The following CD1B variants were observed in gnomAD, a reference collection of about 807,000 sequenced individuals.
CD1B encodes T-cell surface glycoprotein CD1b.
A neutral mutation model predicts 39.8 loss-of-function variants in CD1B; 43 were observed. That is an observed-to-expected ratio of 1.08 (90% CI 0.85 to 1.39). CD1B has a LOEUF of 1.39. CD1B is among the 40% of genes most tolerant of loss of function. The probability of loss-of-function intolerance (pLI) is 0.00; values close to 1 mark genes in which losing one functional copy is unlikely to be tolerated. For synonymous variants in CD1B, 192 were observed against 152.5 expected, an observed-to-expected ratio of 1.26 and a Z score of -1.91; for missense variants, 495 against 403.8, an observed-to-expected ratio of 1.23 and a Z score of -1.94.
At chr1:158,325,592 T>A (rs1410974838), downstream of CD1B, among the ~76,000 whole-genome samples, 2 of 152,080 alleles carry the variant, frequency 1.3e-5, no homozygotes, top group Non-Finnish European at 2.9e-5. Context: ...AGTTTATTAG[T>A]TTTTACTTCT....
chr1:158,325,483 CACT>C (rs1419887382), downstream of CD1B, among the ~76,000 whole-genome samples: 6 of 152,184 alleles, frequency 3.9e-5, no homozygotes, highest in Admixed American at 3.9e-4. Flanking sequence ...CCACGCTTCT[CACT>C]ACATTTTTGA....
chr1:158,314,488 T>C, the CD1B span, among the ~76,000 whole-genome samples: 1 of 152,286 alleles, frequency 6.6e-6, no homozygotes, highest in Non-Finnish European at 1.5e-5. Context: ...GTTGCTTCTC[T>C]TCTACTAGTT....
At chr1:158,319,933 A>C in the CD1B span, among the ~76,000 whole-genome samples, 20 of 152,270 alleles carry the variant, frequency 1.3e-4, no homozygotes, top group Middle Eastern at 3.4e-3. Context: ...GTGAGGTGTC[A>C]GTGTGCCCCT....
the CD1B span, among the ~76,000 whole-genome samples, chr1:158,316,793 T>C: frequency 4.0e-5 from 6 of 151,786 alleles, no homozygotes; most frequent in Non-Finnish European, 8.8e-5. Flanking sequence ...TGGCTGTGGG[T>C]TTGTCATAGA....
chr1:158,313,596 A>G, the CD1B span, among the ~76,000 whole-genome samples: 1 of 152,114 alleles, frequency 6.6e-6, no homozygotes, highest in Non-Finnish European at 1.5e-5. Flanking sequence ...AGGCATGAGC[A>G]ACCACTTCTG....
the CD1B span, among the ~76,000 whole-genome samples, chr1:158,314,749 G>A: frequency 2.6e-5 from 4 of 151,594 alleles, no homozygotes; most frequent in Non-Finnish European, 4.4e-5. Flanking sequence ...CTGGTGCGCG[G>A]CACCCACTAA....
downstream of CD1B, among the ~76,000 whole-genome samples, chr1:158,323,935 C>T (rs1652268588): frequency 6.6e-6 from 1 of 152,158 alleles, no homozygotes; most frequent in Non-Finnish European, 1.5e-5. Flanking sequence ...CTGGTGGTCC[C>T]ACCAAGGAGT....
rs957827053 is a variant in CD1B at position 158,329,844 on chromosome 1, G to A, written c.607+8C>T. The A allele has an allele frequency of 3.1e-6, 5 of 1,610,380 alleles. No individual in the cohort carries two copies. In the East Asian group the frequency reaches 1.1e-4, roughly 36 times the overall value. The stretch of plus-strand genomic sequence containing the variant: ...GGTGGTGGGAAGTGAAATAACAGCA[G>A]GACTAACCTTGTCTTTGCAGATCTG... On this transcript the variant is annotated splice_region_variant and intron_variant, in intron 3 of 5. Transcript: ENST00000368168.
At chr1:158,290,222 C>T in the CD1B span, 3 of 1,085,208 alleles carry the variant, frequency 2.8e-6, no homozygotes, top group Non-Finnish European at 4.2e-6. Context: ...GAATGCTTGC[C>T]ATCTGAGCAT....
At chr1:158,290,494 T>C in the CD1B span, among the ~76,000 whole-genome samples, 3 of 152,022 alleles carry the variant, frequency 2.0e-5, no homozygotes, top group African/African-American at 7.2e-5. Context: ...TCTAAGGCAG[T>C]TGAGGAAGGG....
chr1:158,321,625 T>C, the CD1B span, among the ~76,000 whole-genome samples: 1 of 152,246 alleles, frequency 6.6e-6, no homozygotes, highest in African/African-American at 2.4e-5. Context: ...GGTTAAGTGA[T>C]ATTCTCCAAC....
At chr1:158,299,546 G>T in the CD1B span, among the ~76,000 whole-genome samples, 3 of 152,166 alleles carry the variant, frequency 2.0e-5, no homozygotes, top group Non-Finnish European at 2.9e-5. Context: ...GATTGGAATA[G>T]TTTCAGAAGG....
At chr1:158,324,046 T>A (rs1652271626), downstream of CD1B, among the ~76,000 whole-genome samples, 1 of 152,154 alleles carries the variant, frequency 6.6e-6, no homozygotes, top group South Asian at 2.1e-4. Flanking sequence ...GCTGAGTGGG[T>A]CTGGAGCCAA....
chr1:158,300,018 G>T, the CD1B span, among the ~76,000 whole-genome samples: 2 of 152,044 alleles, frequency 1.3e-5, no homozygotes, highest in Non-Finnish European at 1.5e-5. Context: ...GTTATTTCTT[G>T]TCTTCGGCTA....
Position 158,329,610 on chromosome 1 carries a change from C to G in CD1B, c.646G>C (p.Gly216Arg). 1 of 1,614,072 alleles carries G rather than the reference C, an allele frequency of 6.2e-7. No individual in the cohort carries two copies. The highest frequency in any genetic ancestry group is 8.5e-7 in the Non-Finnish European group (1 of 1,180,034). The change falls in exon 4 of 6, where the codon GGA becomes CGA. Residue 216 changes from glycine to arginine, a missense_variant. Coordinates refer to ENST00000368168, the MANE Select transcript of CD1B (RefSeq NM_001764.3). ...CACACAAGCTGCAGACGGCCAGGTCCAGGACTGGGGCCACTGGACAGCCAG... is the reference window on the plus strand; with the variant it reads ...CACACAAGCTGCAGACGGCCAGGTCGAGGACTGGGGCCACTGGACAGCCAG... ...EAWLSSGPSP[G>R]PGRLQLVCHV...
intron 2 of CD1B, 120 bp downstream of exon 2, chr1:158,330,676 T>C (rs775798383): frequency 1.0e-5 from 10 of 956,346 alleles, no homozygotes; most frequent in Non-Finnish European, 1.6e-5. Flanking sequence ...AAGAAAAGCA[T>C]GTGCGTGCAT....
the CD1B span, among the ~76,000 whole-genome samples, chr1:158,320,874 A>C: frequency 6.6e-6 from 1 of 152,054 alleles, no homozygotes; most frequent in African/African-American, 2.4e-5. Context: ...TGAAAAAAAC[A>C]TTTTTTGATT....
chr1:158,291,078 C>T, the CD1B span: 2 of 1,534,852 alleles, frequency 1.3e-6, no homozygotes, highest in Admixed American at 2.0e-5. Context: ...TCTCCATTTT[C>T]CTTGCCTCTC....
chr1:158,314,820 C>A, the CD1B span, among the ~76,000 whole-genome samples: 14 of 132,684 alleles, frequency 1.1e-4, no homozygotes, highest in Non-Finnish European at 1.8e-4. Flanking sequence ...CCCCACCCCA[C>A]AACAGTCCCC....
Sources: gnomAD v4.1 joint callset for allele counts (sites outside exome capture counted in the v4.1 genomes callset) on GRCh38, gnomAD v4.1.1 for gene constraint, MANE v1.5 for transcripts, NCBI Gene and HGNC (gene_info 2026-07-23, HGNC 2026-07-21) for gene names.